The following SMYD2 variants were observed in gnomAD, a reference collection of about 807,000 sequenced individuals.
The protein encoded by SMYD2 is N-lysine methyltransferase SMYD2.
SMYD2 carries 53 observed loss-of-function variants against 59.1 expected under a neutral mutation model. That is an observed-to-expected ratio of 0.90 (90% CI 0.72 to 1.13). The LOEUF is 1.13. Ranked by LOEUF, SMYD2 falls within the 50% of genes most tolerant of loss-of-function variation. SMYD2 has a pLI of 0.00. For missense variants in SMYD2, 494 were observed against 544.7 expected (o/e 0.91, Z 0.93); for synonymous variants, 208 against 198.8 (o/e 1.05, Z -0.39).
At chr1:214,310,902 T>C (rs943061079) in intron 2 of SMYD2, among the ~76,000 whole-genome samples, 2 of 152,194 alleles carry the variant, frequency 1.3e-5, no homozygotes, top group African/African-American at 4.8e-5. Flanking sequence ...CTAGATACTA[T>C]CACATCTTCC....
Position 214,337,036 on chromosome 1 carries a change from A to T in SMYD2, c.*252A>T. On this transcript the variant is annotated 3_prime_UTR_variant, in exon 12 of 12. Coordinates refer to ENST00000366957, the MANE Select transcript of SMYD2 (RefSeq NM_020197.3). ...TGGTTTCATATGTTATACTTTGGAC[A>T]GACAGAGTTTTAAAAATGGAATTAT... 1 of 196,918 alleles carries T rather than the reference A, an allele frequency of 5.1e-6. No individual in the cohort carries two copies. Among genetic ancestry groups the T allele is most frequent in the Non-Finnish European group, 9.0e-6 (1 of 111,348 alleles). 12.2% of individuals were successfully genotyped at this position (196,918 alleles called of 1,614,324 possible).
intron 6 of SMYD2, among the ~76,000 whole-genome samples, chr1:214,326,253 AAAAG>A (rs1657260222): frequency 6.6e-6 from 1 of 151,762 alleles, no homozygotes; most frequent in African/African-American, 2.4e-5. Flanking sequence ...AAAAAAAAAA[AAAAG>A]AGTGAGGTGC....
intron 1 of SMYD2, 56 bp downstream of exon 1, chr1:214,281,483 C>T: frequency 7.9e-7 from 1 of 1,263,832 alleles, no homozygotes; most frequent in Non-Finnish European, 1.0e-6. Flanking sequence ...GAGCGGGAGG[C>T]TTGGACGGCG....
chr1:214,281,418 G>C lies in SMYD2; in HGVS notation c.164G>C (p.Cys55Ser). 1 of 1,440,724 alleles carries C rather than the reference G, an allele frequency of 6.9e-7. No individual in the cohort carries two copies. The highest frequency in any genetic ancestry group is 9.2e-7 in the Non-Finnish European group (1 of 1,091,732). The allele number at this position is 1,440,724 out of a possible 1,614,324, so 89.2% of individuals were successfully genotyped here. ...GAGCGGGGCAACCACTGCGAGTACT[G>C]CTTCACCAGGTAGGGCGGCGGCGGC... Reference protein sequence around the residue: ...VNERGNHCEYCFTRKEGLSKC... With the variant: ...VNERGNHCEYSFTRKEGLSKC... The change falls in exon 1 of 12, where the codon TGC (cysteine) becomes TCC (serine). Residue 55 changes from cysteine (C) to serine (S), a missense_variant. Transcript: ENST00000366957.
At chr1:214,315,487 A>G (rs1250069769) in intron 3 of SMYD2, among the ~76,000 whole-genome samples, 5 of 152,240 alleles carry the variant, frequency 3.3e-5, no homozygotes, top group Admixed American at 6.5e-5. Context: ...ATAGTCATCA[A>G]TGGCTTTCTC....
chr1:214,307,998 G>C (rs763908625), intron 2 of SMYD2, among the ~76,000 whole-genome samples: 16 of 152,218 alleles, frequency 1.1e-4, no homozygotes, highest in Non-Finnish European at 1.9e-4. Flanking sequence ...AACAGTTACG[G>C]GATTCTACTC....
At chr1:214,291,636 T>C (rs1292435496) in intron 1 of SMYD2, among the ~76,000 whole-genome samples, 1 of 152,252 alleles carries the variant, frequency 6.6e-6, no homozygotes, top group Non-Finnish European at 1.5e-5. Context: ...TGTTATGTTT[T>C]TATCTTGCTA....
chr1:214,316,138 G>C (rs779764259), intron 3 of SMYD2, among the ~76,000 whole-genome samples: 21 of 152,182 alleles, frequency 1.4e-4, no homozygotes, highest in Non-Finnish European at 2.2e-4. Flanking sequence ...TGCTGTCAGA[G>C]AAGTTGGTGG....
intron 5 of SMYD2, 71 bp downstream of exon 5, chr1:214,319,054 C>G (rs531988313): frequency 6.4e-7 from 1 of 1,554,060 alleles, no homozygotes; most frequent in African/African-American, 1.4e-5. Context: ...CTAGCAAGCA[C>G]TCAGTGAAGA....
chr1:214,281,558 G>GGGAGGGGA (rs1260035322), intron 1 of SMYD2, 131 bp downstream of exon 1: 1 of 656,088 alleles, frequency 1.5e-6, no homozygotes, highest in Non-Finnish European at 2.0e-6. Flanking sequence ...GTGGGGGGCG[G>GGGAGGGGA]GGAGGGGAGG....
intron 1 of SMYD2, among the ~76,000 whole-genome samples, chr1:214,293,260 G>A (rs1241226205): frequency 6.6e-6 from 1 of 151,978 alleles, no homozygotes; most frequent in East Asian, 1.9e-4. Context: ...CACCATGTTG[G>A]CCAGGCTGGT....
At chr1:214,297,726 C>A (rs944444824) in intron 1 of SMYD2, among the ~76,000 whole-genome samples, 3 of 152,154 alleles carry the variant, frequency 2.0e-5, no homozygotes, top group Admixed American at 2.0e-4. Context: ...CCGCCTCCAC[C>A]CCACCACCTC....
intron 3 of SMYD2, among the ~76,000 whole-genome samples, chr1:214,315,520 T>TATTC (rs1446114006): frequency 3.9e-5 from 6 of 152,190 alleles, no homozygotes; most frequent in African/African-American, 1.4e-4. Flanking sequence ...CAACTCTGAC[T>TATTC]ATTCTGTGGT....
chr1:214,309,696 A>T (rs780426962), intron 2 of SMYD2, among the ~76,000 whole-genome samples: 11 of 152,332 alleles, frequency 7.2e-5, no homozygotes, highest in Admixed American at 1.3e-4. Flanking sequence ...CGTAGGTTCA[A>T]TCCTGGTTCA....
chr1:214,332,179 A>C lies in SMYD2; in HGVS notation c.1099A>C (p.Ile367Leu). 1 of 1,614,074 alleles carries C rather than the reference A, an allele frequency of 6.2e-7. No homozygotes were observed. Among genetic ancestry groups the C allele is most frequent in the Non-Finnish European group, 8.5e-7 (1 of 1,179,968 alleles). Residue 367 changes from isoleucine (I) to leucine (L), a missense_variant, in exon 10 of 12, where the codon ATT becomes CTT. Physicochemically the swap from Ile to Leu is conservative, Grantham distance 5 (BLOSUM62 2). Transcript: ENST00000366957. ...AGCCCTGCAATATGGACAGAAAATCATTAAGCCCTACAGGTGATTGCAGAG... is the reference window on the plus strand; with the variant it reads ...AGCCCTGCAATATGGACAGAAAATCCTTAAGCCCTACAGGTGATTGCAGAG... ...EGALQYGQKI[I>L]KPYSKHYPLY...
chr1:214,281,499 A>G, intron 1 of SMYD2, 72 bp downstream of exon 1: 5 of 1,100,580 alleles, frequency 4.5e-6, no homozygotes, highest in Non-Finnish European at 3.3e-6. Context: ...CGGCGGCGCC[A>G]GGAAGTGCGT....
intron 6 of SMYD2, among the ~76,000 whole-genome samples, chr1:214,325,765 G>T (rs1657249625): frequency 7.4e-6 from 1 of 135,310 alleles, no homozygotes; most frequent in Non-Finnish European, 1.6e-5. Context: ...TGGAAGTGAG[G>T]AAAGAAGCTT....
intron 1 of SMYD2, among the ~76,000 whole-genome samples, chr1:214,290,333 C>G (rs550027196): frequency 1.3e-5 from 2 of 152,094 alleles, no homozygotes; most frequent in South Asian, 4.2e-4. Flanking sequence ...CGTGGAACTC[C>G]TTGTGTTAAT....
At chr1:214,322,487 T>G (rs951928005) in intron 5 of SMYD2, among the ~76,000 whole-genome samples, 2 of 152,242 alleles carry the variant, frequency 1.3e-5, no homozygotes, top group Admixed American at 1.3e-4. Flanking sequence ...ATTATTTTAC[T>G]AATCCACAGT....
Sources: allele counts gnomAD v4.1 joint callset (sites outside exome capture counted in the v4.1 genomes callset), GRCh38; gene constraint gnomAD v4.1.1; transcripts MANE v1.5; gene names NCBI Gene and HGNC (gene_info 2026-07-23, HGNC 2026-07-21).